NFE2L2: variants seen among roughly 807,000 people sequenced by gnomAD.
NFE2L2 encodes the protein nuclear factor erythroid 2-related factor 2.
Under a neutral mutation model 49.6 loss-of-function variants are expected in NFE2L2, and 20 were observed. The ratio of observed to expected loss-of-function variants is 0.40; its 90% CI spans 0.28 to 0.59. NFE2L2 has a LOEUF of 0.59. Ranked by LOEUF, NFE2L2 falls within the 20% of genes least tolerant of loss-of-function variation. The pLI, the probability that NFE2L2 is intolerant of heterozygous loss-of-function variation, is 0.40. For synonymous variants in NFE2L2, 244 were observed against 256.5 expected (o/e 0.95, Z 0.47); for missense variants, 578 against 714.2 (o/e 0.81, Z 2.17).
chr2:177,263,543 T>C lies in NFE2L2; in HGVS notation c.45+989A>G, dbSNP rs1321732202. 5.1e-6 allele frequency: 5 copies of C among 985,516 alleles called. No individual in the cohort carries two copies. In the South Asian group the frequency reaches 1.9e-4, roughly 37 times the overall value. The allele number at this position is 985,516 out of a possible 1,614,324, so 61.0% of individuals were successfully genotyped here. A position where few individuals can be genotyped will look rare whatever the true frequency, so the allele number is the denominator to read the frequency against. On this transcript the variant is annotated intron_variant, in intron 1 of 4. Coordinates refer to ENST00000397062, the MANE Select transcript of NFE2L2 (RefSeq NM_006164.5). The stretch of plus-strand genomic sequence containing the variant: ...ACAGCTCCAACCTGTCCCTTGGCCC[T>C]GGCGCGGCGAGGTTTGCACGCTATA...
chr2:177,249,321 C>G (rs949430437), intron 1 of NFE2L2, among the ~76,000 whole-genome samples: 5 of 152,174 alleles, frequency 3.3e-5, no homozygotes, highest in Non-Finnish European at 7.3e-5. Flanking sequence ...CCAAGTAAAA[C>G]CAGGATCCAA....
chr2:177,259,486 C>A (rs1350980191), intron 1 of NFE2L2, among the ~76,000 whole-genome samples: 1 of 152,118 alleles, frequency 6.6e-6, no homozygotes, highest in Non-Finnish European at 1.5e-5. Flanking sequence ...ATTAAACGTG[C>A]CTCCCCTACT....
chr2:177,231,817 G>T lies in NFE2L2; in HGVS notation c.786C>A (p.Asp262Glu), dbSNP rs768392927. 1.2e-6 allele frequency: 2 copies of T among 1,614,186 alleles called. No homozygotes were observed. Among genetic ancestry groups the T allele is most frequent in the Middle Eastern group, 1.6e-4 (1 of 6,062 alleles). ...ATGAGTTCACTGTCAACTGGTTGGG[G>T]TCTTCTGTGGAGAGGATGCTGCTGA... ...DSFSSILSTEDPNQLTVNSLN... is the reference protein window; with the variant it reads ...DSFSSILSTEEPNQLTVNSLN... The change falls in exon 5 of 5, where the codon GAC (aspartate) becomes GAA (glutamate). Residue 262 changes from aspartate to glutamate, a missense_variant. Coordinates refer to ENST00000397062, the MANE Select transcript of NFE2L2 (RefSeq NM_006164.5).
At chr2:177,254,516 G>A (rs1690448881) in intron 1 of NFE2L2, among the ~76,000 whole-genome samples, 1 of 152,214 alleles carries the variant, frequency 6.6e-6, no homozygotes, top group Non-Finnish European at 1.5e-5. Flanking sequence ...GTATCACCCA[G>A]GAGCATTAGG....
At position 177,231,286 on chromosome 2, in the gene NFE2L2, G is replaced by A. The variant is rs1689537703; in HGVS notation, c.1317C>T (p.Thr439=). The change falls in exon 5 of 5, where the codon ACC becomes ACT. Residue 439 remains threonine (T), a synonymous_variant. Coordinates refer to ENST00000397062, the MANE Select transcript of NFE2L2 (RefSeq NM_006164.5). Reference sequence around the variant, plus strand: ...TTGAATGTTTGTCTTTTGTGAATGGGGTTTTCCGATGACCAGGACTTACAG... The same window carrying A: ...TTGAATGTTTGTCTTTTGTGAATGGAGTTTTCCGATGACCAGGACTTACAG... The part of the protein sequence containing the change: ...ELPVSPGHRK[T]PFTKDKHSSR... The A allele has an allele frequency of 1.9e-6, 3 of 1,614,180 alleles. No individual in the cohort carries two copies. Among genetic ancestry groups the A allele is most frequent in the Admixed American group, 1.7e-5 (1 of 60,018 alleles).
chr2:177,237,321 T>C (rs1183354595), intron 1 of NFE2L2, among the ~76,000 whole-genome samples: 1 of 152,218 alleles, frequency 6.6e-6, no homozygotes, highest in Non-Finnish European at 1.5e-5. Flanking sequence ...TAGATCAGTT[T>C]CCTGGCCAAG....
chr2:177,258,047 C>A (rs1244387828), intron 1 of NFE2L2, among the ~76,000 whole-genome samples: 1 of 152,188 alleles, frequency 6.6e-6, no homozygotes, highest in African/African-American at 2.4e-5. Flanking sequence ...CTGGGCCCCA[C>A]CCCCAGAGAT....
Position 177,230,660 on chromosome 2 carries a change from T to C in NFE2L2, c.*125A>G, listed in dbSNP as rs1421140976. On this transcript the variant is annotated 3_prime_UTR_variant, in exon 5 of 5. Coordinates refer to ENST00000397062, the MANE Select transcript of NFE2L2 (RefSeq NM_006164.5). ...TTTTAAAGTTTCGTATTATTTTCTA[T>C]ACTAGTTTTGGCTATGATTTTGCAT... The C allele has an allele frequency of 4.7e-6, 5 of 1,073,578 alleles. No homozygotes were observed. Among genetic ancestry groups the C allele is most frequent in the Non-Finnish European group, 6.4e-6 (5 of 779,200 alleles). 66.5% of individuals were successfully genotyped at this position (1,073,578 alleles called of 1,614,324 possible).
chr2:177,263,076 T>C (rs971824298), intron 1 of NFE2L2, among the ~76,000 whole-genome samples: 1 of 152,268 alleles, frequency 6.6e-6, no homozygotes, highest in African/African-American at 2.4e-5. Context: ...AAGTACACAT[T>C]TCCTTGAATT....
At chr2:177,260,982 C>T (rs1324777437) in intron 1 of NFE2L2, among the ~76,000 whole-genome samples, 2 of 152,100 alleles carry the variant, frequency 1.3e-5, no homozygotes, top group Middle Eastern at 3.4e-3. Flanking sequence ...ACCAGCCCAG[C>T]CTGGCCAACA....
In NFE2L2 at chr2:177,231,489, C is replaced by T. The variant is rs1689547617; in HGVS notation, c.1114G>A (p.Gly372Ser). The stretch of plus-strand genomic sequence containing the variant: ...TCTTCCACTTCAGAATCACTGAGGC[C>T]AAGTAGTGTGTCTCCATAGCTGGAA... The part of the protein sequence containing the change: ...ESSSYGDTLL[G>S]LSDSEVEELD... The change falls in exon 5 of 5, where the codon GGC (glycine) becomes AGC (serine). Residue 372 changes from glycine (G) to serine (S), a missense_variant. By Grantham distance (56) the Gly-to-Ser change is moderately conservative. Around this residue, in one of 3 missense-constraint regions of NFE2L2, gnomAD observed 368 missense variants for 384.6 expected, o/e 0.96. Transcript: ENST00000397062. 6.2e-7 allele frequency: 1 copy of T among 1,614,104 alleles called. No homozygotes were observed. Among genetic ancestry groups the T allele is most frequent in the African/African-American group, 1.3e-5 (1 of 74,934 alleles).
At chr2:177,263,504 T>TG in intron 1 of NFE2L2, 1 of 985,496 alleles carries the variant, frequency 1.0e-6, no homozygotes, top group Non-Finnish European at 1.2e-6. Context: ...AAATAGCAAT[T>TG]GCGCAACAGA....
At chr2:177,260,731 C>T (rs931313739) in intron 1 of NFE2L2, among the ~76,000 whole-genome samples, 1 of 152,054 alleles carries the variant, frequency 6.6e-6, no homozygotes, top group East Asian at 1.9e-4. Context: ...GCCAATGGAA[C>T]AGAAGAAATG....
intron 1 of NFE2L2, among the ~76,000 whole-genome samples, chr2:177,261,289 T>A (rs951873581): frequency 6.6e-6 from 1 of 151,970 alleles, no homozygotes; most frequent in Non-Finnish European, 1.5e-5. Context: ...TTGTATTCAC[T>A]CTCCCTGTAT....
At chr2:177,238,535 A>G (rs1002593344) in intron 1 of NFE2L2, among the ~76,000 whole-genome samples, 4 of 152,234 alleles carry the variant, frequency 2.6e-5, no homozygotes, top group African/African-American at 2.4e-5. Flanking sequence ...AGGCACGTGA[A>G]AAGTATCTCT....
At chr2:177,239,168 C>T (rs893035174) in intron 1 of NFE2L2, among the ~76,000 whole-genome samples, 1 of 152,146 alleles carries the variant, frequency 6.6e-6, no homozygotes. Context: ...ATTATTTAGA[C>T]TAGCTCTTGA....
At chr2:177,250,120 C>A (rs984059455) in intron 1 of NFE2L2, among the ~76,000 whole-genome samples, 2 of 152,180 alleles carry the variant, frequency 1.3e-5, no homozygotes, top group Non-Finnish European at 2.9e-5. Context: ...TGGTGTGAGT[C>A]TGAATTACTA....
In NFE2L2 at chr2:177,231,528, G is replaced by A. The variant is rs1689548886; in HGVS notation, c.1075C>T (p.His359Tyr). ...NTSPSVASPE[H>Y]SVESSSYGDT... The stretch of plus-strand genomic sequence containing the variant: ...CCATAGCTGGAAGATTCCACTGAGT[G>A]TTCTGGTGATGCCACACTGGGACTT... The change falls in exon 5 of 5, where the codon CAC becomes TAC. Residue 359 changes from histidine to tyrosine, a missense_variant. This residue lies in a region of NFE2L2 where 368 missense variants were observed against 384.6 expected (regional missense o/e 0.96). Coordinates refer to ENST00000397062, the MANE Select transcript of NFE2L2 (RefSeq NM_006164.5). 3.7e-6 allele frequency: 6 copies of A among 1,614,094 alleles called. No homozygotes were observed. Among genetic ancestry groups the A allele is most frequent in the Non-Finnish European group, 4.2e-6 (5 of 1,180,026 alleles).
intron 3 of NFE2L2, 45 bp downstream of exon 3, chr2:177,233,205 G>A (rs772019031): frequency 7.0e-7 from 1 of 1,430,220 alleles, no homozygotes; most frequent in East Asian, 2.4e-5. Context: ...TTATTTTATA[G>A]TTATGATGGA....
Sources: allele counts gnomAD v4.1 joint callset (sites outside exome capture counted in the v4.1 genomes callset), GRCh38; gene constraint gnomAD v4.1.1; regional missense constraint gnomAD v4.1.1; transcripts MANE v1.5; gene names NCBI Gene and HGNC (gene_info 2026-07-23, HGNC 2026-07-21).